Variants in PDLIM7 observed in about 807,000 individuals in gnomAD.
PDLIM7 encodes PDZ and LIM domain 7.
In PDLIM7, 37 loss-of-function variants were observed where a neutral mutation model predicts 53.9. The ratio of observed to expected loss-of-function variants is 0.69; its 90% CI spans 0.53 to 0.90. The LOEUF is 0.90. Ranked by LOEUF, PDLIM7 falls within the 40% of genes least tolerant of loss-of-function variation. The pLI, the probability that PDLIM7 is intolerant of heterozygous loss-of-function variation, is 0.00. For synonymous variants in PDLIM7, 300 were observed against 261.3 expected (o/e 1.15, Z -1.43); for missense variants, 617 against 638.5 (o/e 0.97, Z 0.36).
chr5:177,492,725 C>T (rs1182798985), intron 2 of PDLIM7, 48 bp from the exon 3 acceptor site: 4 of 1,577,846 alleles, frequency 2.5e-6, no homozygotes, highest in Non-Finnish European at 3.4e-6. Flanking sequence ...CCTGCAGACC[C>T]AAGCCAGGCT....
Position 177,492,606 on chromosome 5 carries a change from C to G in PDLIM7, c.168G>C (p.Glu56Asp), listed in dbSNP as rs113574636. The G allele has an allele frequency of 1.6e-3, 2,618 of 1,612,806 alleles. 2 individuals are homozygous for G. The highest frequency in any genetic ancestry group is 2.0e-3 in the Non-Finnish European group (2,391 of 1,179,996). ...VGDWVLSIDG[E>D]NAGSLTHIEA... ...CGATGTGTGTGAGGCTACCCGCATT[C>G]TCGCCATCGATGCTCAGCACCCAGT... Residue 56 changes from glutamate to aspartate, a missense_variant, in exon 3 of 13, where the codon GAG becomes GAC. Physicochemically the swap from Glu to Asp is conservative, Grantham distance 45. Coordinates refer to ENST00000355841, the MANE Select transcript of PDLIM7 (RefSeq NM_005451.5).
intron 2 of PDLIM7, among the ~76,000 whole-genome samples, chr5:177,495,738 C>T (rs1352696411): frequency 6.6e-6 from 1 of 152,110 alleles, no homozygotes; most frequent in African/African-American, 2.4e-5. Flanking sequence ...GCCTCCAGCT[C>T]CACCCACACC....
In PDLIM7 at chr5:177,488,123, C is replaced by T; in HGVS notation, c.995G>A (p.Cys332Tyr). 1 of 1,613,120 alleles carries T rather than the reference C, an allele frequency of 6.2e-7. No homozygotes were observed. The highest frequency in any genetic ancestry group is 8.5e-7 in the Non-Finnish European group (1 of 1,179,838). The stretch of plus-strand genomic sequence containing the variant: ...GCTGGGTGCATAGCGCACGTCATAG[C>T]ATGGTGGGCAGAAGATGGCGCCCTT... ...EEKGAIFCPP[C>Y]YDVRYAPSCA... Residue 332 changes from cysteine to tyrosine, a missense_variant, in exon 10 of 13, where the codon TGC becomes TAC. Coordinates refer to ENST00000355841, the MANE Select transcript of PDLIM7 (RefSeq NM_005451.5).
chr5:177,488,876 T>G (rs1581755673), intron 9 of PDLIM7, among the ~76,000 whole-genome samples: 1 of 144,598 alleles, frequency 6.9e-6, no homozygotes, highest in East Asian at 2.0e-4. Flanking sequence ...GGCAACACAG[T>G]GAGACTCTGT....
Position 177,489,436 on chromosome 5 carries a change from T to C in PDLIM7, c.826A>G (p.Asn276Asp), listed in dbSNP as rs1758625333. 1 of 1,602,198 alleles carries C rather than the reference T, an allele frequency of 6.2e-7. No individual in the cohort carries two copies. Among genetic ancestry groups the C allele is most frequent in the African/African-American group, 1.3e-5 (1 of 74,852 alleles). The change falls in exon 9 of 13, where the codon AAC (asparagine) becomes GAC (aspartate). Residue 276 changes from asparagine to aspartate, a missense_variant. Transcript: ENST00000355841. ...TGGTGACACACGGGAGTCTTGCCGT[T>C]GTTGCTGCCCCCTCCTGGCACCCCT... ...AGGVPGGGSN[N>D]GKTPVCHQCH...
chr5:177,493,251 T>G (rs569390718), intron 2 of PDLIM7, among the ~76,000 whole-genome samples: 69 of 152,308 alleles, frequency 4.5e-4, no homozygotes, highest in Non-Finnish European at 7.4e-4. Flanking sequence ...CAGGCCCTGT[T>G]ATCTCCCGGT....
intron 10 of PDLIM7, among the ~76,000 whole-genome samples, chr5:177,486,129 T>G (rs1016070898): frequency 2.0e-5 from 3 of 151,916 alleles, no homozygotes; most frequent in Admixed American, 6.6e-5. Context: ...ATGGTGCCCA[T>G]GCTGGTCTTG....
chr5:177,484,281 G>A (rs978980844), intron 10 of PDLIM7, 91 bp from the exon 11 acceptor site: 19 of 1,490,118 alleles, frequency 1.3e-5, no homozygotes, highest in Admixed American at 1.8e-5. Context: ...CGCAAGCCCT[G>A]TTCCTTCTCG....
intron 2 of PDLIM7, among the ~76,000 whole-genome samples, chr5:177,494,668 C>T (rs771321842): frequency 9.9e-5 from 15 of 151,994 alleles, no homozygotes; most frequent in Non-Finnish European, 1.8e-4. Context: ...CAGAAGACAG[C>T]GCTGGGCGGG....
At chr5:177,490,512 G>T in intron 7 of PDLIM7, 1 of 1,561,394 alleles carries the variant, frequency 6.4e-7, no homozygotes, top group Non-Finnish European at 8.7e-7. Flanking sequence ...ACTGCACGTT[G>T]AGCACGTGGG....
chr5:177,492,634 C>G lies in PDLIM7; in HGVS notation c.140G>C (p.Gly47Ala). 6.2e-7 allele frequency: 1 copy of G among 1,609,846 alleles called. No homozygotes were observed. The part of the protein sequence containing the change: ...GKAAQAGVAV[G>A]DWVLSIDGEN... ...GCCATCGATGCTCAGCACCCAGTCA[C>G]CCACGGCCACTCCGGCCTGCGCCGC... Residue 47 changes from glycine to alanine, a missense_variant, in exon 3 of 13, where the codon GGT (glycine) becomes GCT (alanine). Coordinates refer to ENST00000355841, the MANE Select transcript of PDLIM7 (RefSeq NM_005451.5).
At chr5:177,488,046 C>T (rs1758551183) in intron 10 of PDLIM7, 22 bp downstream of exon 10, 1 of 1,559,484 alleles carries the variant, frequency 6.4e-7, no homozygotes, top group Non-Finnish European at 8.7e-7. Context: ...GGACCACCTC[C>T]CCGCCAGCCA....
chr5:177,491,751 C>T, intron 5 of PDLIM7, 56 bp downstream of exon 5: 2 of 843,474 alleles, frequency 2.4e-6, no homozygotes, highest in South Asian at 3.6e-5. Context: ...GGGCAGCGGG[C>T]GTGGGGCCAC....
chr5:177,486,931 CTTTTTTTTTTTTTTTTTTTTTTT>C (rs60583245), intron 10 of PDLIM7, among the ~76,000 whole-genome samples: 2 of 48,692 alleles, frequency 4.1e-5, no homozygotes, highest in Non-Finnish European at 8.2e-5. Context: ...GTGCCTGGCC[CTTTTTTTTTTTTTTTTTTTTTTT>C]TTTTTTTTTT....
intron 2 of PDLIM7, 121 bp downstream of exon 2, chr5:177,496,296 C>T: frequency 1.5e-6 from 1 of 667,712 alleles, no homozygotes; most frequent in African/African-American, 1.9e-5. Flanking sequence ...ATCTCCGGAC[C>T]TAGACATCTC....
chr5:177,484,236 C>T, intron 10 of PDLIM7, 46 bp from the exon 11 acceptor site: 1 of 1,604,750 alleles, frequency 6.2e-7, no homozygotes, highest in Non-Finnish European at 8.5e-7. Flanking sequence ...CCCCTCCTGC[C>T]CTGCCCTGGG....
chr5:177,485,446 T>C (rs1405029840), intron 10 of PDLIM7, among the ~76,000 whole-genome samples: 2 of 152,156 alleles, frequency 1.3e-5, no homozygotes, highest in Admixed American at 1.3e-4. Flanking sequence ...GTCCAAGATG[T>C]GTGGGTCTGG....
intron 9 of PDLIM7, among the ~76,000 whole-genome samples, chr5:177,489,113 T>A (rs993166505): frequency 1.3e-5 from 2 of 152,224 alleles, no homozygotes; most frequent in Non-Finnish European, 2.9e-5. Context: ...GGCCCCTCTT[T>A]GCCCAGAGAG....
intron 1 of PDLIM7, chr5:177,497,012 GGGGGGAGGGGA>G (rs1759115593): frequency 3.2e-5 from 1 of 31,236 alleles, no homozygotes; most frequent in African/African-American, 6.9e-5. Context: ...ACGCGAGGGG[GGGGGGAGGGGA>G]GGGGAGGGGA....
Sources: gnomAD v4.1 joint callset for allele counts (sites outside exome capture counted in the v4.1 genomes callset) on GRCh38, gnomAD v4.1.1 for gene constraint, MANE v1.5 for transcripts, NCBI Gene and HGNC (gene_info 2026-07-23, HGNC 2026-07-21) for gene names.